The following KLF8 variants were observed in gnomAD, a reference collection of about 807,000 sequenced individuals.
KLF8 encodes KLF transcription factor 8, also known as Krueppel-like factor 8.
A neutral mutation model predicts 18.2 loss-of-function variants in KLF8; 10 were observed. That is an observed-to-expected ratio of 0.55 (90% CI 0.34 to 0.93). The LOEUF is 0.93. KLF8 is among the 40% of genes least tolerant of loss of function. KLF8 has a pLI of 0.02. For synonymous variants in KLF8, 109 were observed against 97.3 expected, an observed-to-expected ratio of 1.12 and a Z score of -0.71; for missense variants, 264 against 277.9, an observed-to-expected ratio of 0.95 and a Z score of 0.36.
chrX:56,137,590 C>T, the KLF8 span, among the ~76,000 whole-genome samples: 2 of 79,256 alleles, frequency 2.5e-5, no homozygotes, highest in Non-Finnish European at 4.5e-5. Context: ...GAACATCACA[C>T]TCTGAGGACT....
At chrX:56,045,964 A>G in the KLF8 span, among the ~76,000 whole-genome samples, 3 of 111,845 alleles carry the variant, frequency 2.7e-5, no homozygotes, top group African/African-American at 6.5e-5. Context: ...CTTGTTCAGT[A>G]TAAAGTTGGC....
the KLF8 span, among the ~76,000 whole-genome samples, chrX:56,173,703 T>G: frequency 8.9e-6 from 1 of 112,119 alleles, no homozygotes; most frequent in Non-Finnish European, 1.9e-5. Context: ...ATGGCCATTT[T>G]AATGATATTG....
chrX:56,255,521 C>T (rs7878534), intron 2 of KLF8, among the ~76,000 whole-genome samples: 20,901 of 111,682 alleles, frequency 0.19, 3,949 homozygotes, highest in African/African-American at 0.59. Context: ...AGTTTTTCCC[C>T]ATTCGATATG....
chrX:56,081,446 A>G, the KLF8 span, among the ~76,000 whole-genome samples: 2 of 111,899 alleles, frequency 1.8e-5, no homozygotes, highest in African/African-American at 6.5e-5. Context: ...TCCGTGTTTC[A>G]TTTCCAATTG....
At chrX:56,004,326 G>A in the KLF8 span, among the ~76,000 whole-genome samples, 1 of 112,216 alleles carries the variant, frequency 8.9e-6, no homozygotes, top group Middle Eastern at 4.6e-3. Flanking sequence ...GGTTTTATCA[G>A]TCAGGGTTCC....
the KLF8 span, among the ~76,000 whole-genome samples, chrX:56,034,196 G>A: frequency 0.043 from 4,825 of 111,670 alleles, 277 homozygotes; most frequent in African/African-American, 0.15. Flanking sequence ...TTCATGTGCA[G>A]TGTGAAATAA....
At chrX:56,167,553 CT>C in the KLF8 span, among the ~76,000 whole-genome samples, 1 of 111,974 alleles carries the variant, frequency 8.9e-6, no homozygotes, top group Non-Finnish European at 1.9e-5. Context: ...TGATGCTTGG[CT>C]TCAAGAGAGC....
chrX:56,103,447 C>T, the KLF8 span, among the ~76,000 whole-genome samples: 3 of 111,054 alleles, frequency 2.7e-5, no homozygotes, highest in African/African-American at 9.8e-5. Flanking sequence ...AGTTGGATTC[C>T]TAGGTATTTT....
the KLF8 span, among the ~76,000 whole-genome samples, chrX:55,988,624 G>A: frequency 8.9e-6 from 1 of 111,747 alleles, no homozygotes; most frequent in Non-Finnish European, 1.9e-5. Context: ...ATAGTTTGAA[G>A]TCAGGTAGCA....
In KLF8 at chrX:56,289,945, G is replaced by T. The variant is rs1177806280; in HGVS notation, c.*5451G>T. 9.0e-6 allele frequency among the ~76,000 whole-genome samples: 1 copy of T among 111,611 alleles called. No individual in the cohort carries two copies. The highest frequency in any genetic ancestry group is 2.8e-4 in the East Asian group (1 of 3,573). ...GTTTTCTCATGAACCAAACCATCAAGAATGTACCTAACCTTAAATAAGCCA... is the reference window on the plus strand; with the variant it reads ...GTTTTCTCATGAACCAAACCATCAATAATGTACCTAACCTTAAATAAGCCA... On this transcript the variant is annotated 3_prime_UTR_variant, in exon 6 of 6. Transcript: ENST00000468660.
At position 56,233,270 on chromosome X, in the gene KLF8, A is replaced by T; in HGVS notation, c.-65A>T. 1 of 1,195,343 alleles carries T rather than the reference A, an allele frequency of 8.4e-7. No homozygotes were observed. Among genetic ancestry groups the T allele is most frequent in the Non-Finnish European group, 1.1e-6 (1 of 881,270 alleles). On this transcript the variant is annotated 5_prime_UTR_variant, in exon 1 of 6. Transcript: ENST00000468660. ...GGAACAGCTCTCTTGCGATCAGCTCAGGAGTATGAGCCTCCCGGAGGACGG... is the reference window on the plus strand; with the variant it reads ...GGAACAGCTCTCTTGCGATCAGCTCTGGAGTATGAGCCTCCCGGAGGACGG...
At chrX:55,959,782 G>T in the KLF8 span, among the ~76,000 whole-genome samples, 1 of 111,584 alleles carries the variant, frequency 9.0e-6, no homozygotes, top group East Asian at 2.8e-4. Flanking sequence ...TCTTGAAAGA[G>T]ATGAAGACAG....
At chrX:56,122,943 T>C in the KLF8 span, among the ~76,000 whole-genome samples, 1 of 110,499 alleles carries the variant, frequency 9.0e-6, no homozygotes. Context: ...TCCTTTCTTA[T>C]TTTCTTTCCT....
intron 2 of KLF8, among the ~76,000 whole-genome samples, chrX:56,263,224 A>G (rs1400876539): frequency 9.0e-6 from 1 of 111,612 alleles, no homozygotes; most frequent in Admixed American, 9.5e-5. Context: ...GGATGGGTCA[A>G]ATCCACCCAT....
At chrX:56,080,263 G>C in the KLF8 span, among the ~76,000 whole-genome samples, 1 of 110,381 alleles carries the variant, frequency 9.1e-6, no homozygotes, top group East Asian at 2.8e-4. Flanking sequence ...TTACATTTTG[G>C]CATGATTTTG....
chrX:56,092,483 G>A, the KLF8 span, among the ~76,000 whole-genome samples: 1 of 111,275 alleles, frequency 9.0e-6, no homozygotes, highest in Non-Finnish European at 1.9e-5. Context: ...AGAGATAAGA[G>A]TCTAGTTTCA....
chrX:56,056,195 G>A, the KLF8 span, among the ~76,000 whole-genome samples: 3 of 110,624 alleles, frequency 2.7e-5, no homozygotes, highest in African/African-American at 9.9e-5. Context: ...TGGGCTTATG[G>A]GTTTTTTTTA....
intron 5 of KLF8, among the ~76,000 whole-genome samples, chrX:56,282,549 A>G (rs1262964360): frequency 8.9e-6 from 1 of 112,089 alleles, no homozygotes; most frequent in Non-Finnish European, 1.9e-5. Flanking sequence ...TAATTAGCAA[A>G]CACTTGGGAG....
chrX:56,103,612 C>A, the KLF8 span, among the ~76,000 whole-genome samples: 3 of 111,569 alleles, frequency 2.7e-5, no homozygotes, highest in African/African-American at 9.8e-5. Context: ...AGATTTTGGG[C>A]TGAGACAATG....
Sources: allele counts gnomAD v4.1 joint callset (sites outside exome capture counted in the v4.1 genomes callset), GRCh38; gene constraint gnomAD v4.1.1; transcripts MANE v1.5; gene names NCBI Gene and HGNC (gene_info 2026-07-23, HGNC 2026-07-21).